Variants in GLRA3 observed in about 807,000 individuals in gnomAD.
The protein encoded by GLRA3 is glycine receptor alpha 3.
In GLRA3, 44 loss-of-function variants were observed where a neutral mutation model predicts 60.4. That is an observed-to-expected ratio of 0.73 (90% confidence interval 0.57 to 0.94). The LOEUF (loss-of-function observed/expected upper bound fraction) is 0.94, where lower values mean the gene tolerates loss of function less well. Ranked by LOEUF, GLRA3 falls within the 40% of genes least tolerant of loss-of-function variation. The pLI is 0.00. For synonymous variants in GLRA3, 223 were observed against 192.9 expected, an observed-to-expected ratio of 1.16 and a Z score of -1.29; for missense variants, 508 against 564.6, an observed-to-expected ratio of 0.90 and a Z score of 1.02.
In GLRA3 at chr4:174,643,867, T is replaced by C. The variant is rs1227617052; in HGVS notation, c.1314A>G (p.Leu438=). ...AGAAAATATTAAAAATCAAAAAAGC[T>C]AATGGGAAGCAGGCTCGGGAGATGG... ...IDTISRACFP[L]AFLIFNIFYW... Residue 438 remains leucine, a synonymous_variant, in exon 10 of 10, where the codon TTA becomes TTG. Coordinates refer to ENST00000274093, the MANE Select transcript of GLRA3 (RefSeq NM_006529.4). 4 of 1,614,058 alleles carry C rather than the reference T, an allele frequency of 2.5e-6. No individual in the cohort carries two copies. The highest frequency in any genetic ancestry group is 3.4e-6 in the Non-Finnish European group (4 of 1,179,938).
At chr4:174,647,986 C>T (rs2110851934) in intron 9 of GLRA3, among the ~76,000 whole-genome samples, 1 of 152,238 alleles carries the variant, frequency 6.6e-6, no homozygotes, top group Admixed American at 6.5e-5. Flanking sequence ...TCCATGCTTT[C>T]CTACATCTTT....
chr4:174,659,074 G>T lies in GLRA3; in HGVS notation c.1051C>A (p.Arg351=). The change falls in exon 8 of 10, where the codon CGA becomes AGA. Residue 351 remains arginine, a synonymous_variant. Coordinates refer to ENST00000274093, the MANE Select transcript of GLRA3 (RefSeq NM_006529.4). ...SRQHKELLRF[R]RKRKNKTEAF... is the part of the protein sequence containing the mutation. ...CTTACCTTATTCTTTCTCTTTCGTC[G>T]AAATCTCAGAAGTTCTTTGTGTTGT... The T allele has an allele frequency of 6.2e-7, 1 of 1,612,520 alleles. No homozygotes were observed. The highest frequency in any genetic ancestry group is 1.1e-5 in the South Asian group (1 of 90,980).
At chr4:174,670,182 A>T (rs7697737) in intron 7 of GLRA3, among the ~76,000 whole-genome samples, 1 of 151,970 alleles carries the variant, frequency 6.6e-6, no homozygotes, top group African/African-American at 2.4e-5. Context: ...GCATTTCTTA[A>T]TATATTACCT....
intron 5 of GLRA3, among the ~76,000 whole-genome samples, chr4:174,696,066 T>G (rs1164758206): frequency 6.6e-6 from 1 of 151,898 alleles, no homozygotes; most frequent in Non-Finnish European, 1.5e-5. Context: ...CAATGACAAT[T>G]ACAAAACACT....
intron 5 of GLRA3, among the ~76,000 whole-genome samples, chr4:174,700,285 C>G (rs1225376863): frequency 6.6e-6 from 1 of 152,020 alleles, no homozygotes; most frequent in Admixed American, 6.6e-5. Flanking sequence ...TTGTGGCAAC[C>G]CTATATTAAG....
chr4:174,821,682 T>C (rs1407135606), intron 1 of GLRA3, among the ~76,000 whole-genome samples: 1 of 152,120 alleles, frequency 6.6e-6, no homozygotes, highest in Non-Finnish European at 1.5e-5. Context: ...TTGAGAAATA[T>C]ACATTACATT....
chr4:174,683,629 G>A (rs1031274464), intron 5 of GLRA3, among the ~76,000 whole-genome samples: 4 of 152,150 alleles, frequency 2.6e-5, no homozygotes, highest in Non-Finnish European at 5.9e-5. Flanking sequence ...GATTACAGGC[G>A]TCAGCCACCG....
intron 5 of GLRA3, among the ~76,000 whole-genome samples, chr4:174,691,111 T>A (rs1206971659): frequency 6.6e-6 from 1 of 152,206 alleles, no homozygotes; most frequent in Non-Finnish European, 1.5e-5. Flanking sequence ...TCCACAATGG[T>A]TGAACTTATT....
At chr4:174,692,337 G>A (rs1296601846) in intron 5 of GLRA3, among the ~76,000 whole-genome samples, 3 of 147,228 alleles carry the variant, frequency 2.0e-5, no homozygotes, top group South Asian at 2.3e-4. Flanking sequence ...CCCCCCGCTC[G>A]GCCAGCCGCC....
intron 5 of GLRA3, among the ~76,000 whole-genome samples, chr4:174,701,411 T>C (rs111486602): frequency 3.3e-5 from 5 of 152,328 alleles, no homozygotes; most frequent in African/African-American, 1.2e-4. Context: ...CTGATGCCAA[T>C]TAACCCAGTC....
intron 7 of GLRA3, among the ~76,000 whole-genome samples, chr4:174,676,296 G>A (rs1307585215): frequency 6.6e-6 from 1 of 151,888 alleles, no homozygotes; most frequent in Non-Finnish European, 1.5e-5. Flanking sequence ...ATTGACTTAT[G>A]GTTACTTAAA....
chr4:174,814,593 G>C lies in GLRA3; in HGVS notation c.71+14148C>G, dbSNP rs138173915. Reference sequence around the variant, plus strand: ...AAGAAAGAGTTTTAATAGGCTTACAGTTGCATGTGGCTGAGGAGTCCTCAC... The same window carrying C: ...AAGAAAGAGTTTTAATAGGCTTACACTTGCATGTGGCTGAGGAGTCCTCAC... On this transcript the variant is annotated intron_variant, in intron 1 of 9. Transcript: ENST00000274093. Among the ~76,000 whole-genome samples the C allele has an allele frequency of 6.5e-3, 989 of 152,296 alleles. 12 individuals carry two copies. The highest frequency in any genetic ancestry group is 0.023 in the African/African-American group (959 of 41,572).
chr4:174,711,908 G>C (rs903115991), intron 5 of GLRA3, among the ~76,000 whole-genome samples: 2 of 152,010 alleles, frequency 1.3e-5, no homozygotes. Context: ...AAAGTGTCTA[G>C]TTGTCAACAT....
At chr4:174,812,130 C>T (rs1579646608) in intron 1 of GLRA3, among the ~76,000 whole-genome samples, 2 of 151,866 alleles carry the variant, frequency 1.3e-5, no homozygotes, top group Non-Finnish European at 2.9e-5. Context: ...CAGAAATTAC[C>T]ATTTTACTTG....
At chr4:174,751,144 CCTAT>C (rs570491158) in intron 3 of GLRA3, among the ~76,000 whole-genome samples, 120 of 152,066 alleles carry the variant, frequency 7.9e-4, no homozygotes, top group Middle Eastern at 3.4e-3. Flanking sequence ...CTGCTACCTA[CCTAT>C]CTATCTACAT....
chr4:174,750,936 G>A (rs1050611411), intron 3 of GLRA3, among the ~76,000 whole-genome samples: 1 of 152,030 alleles, frequency 6.6e-6, no homozygotes, highest in Non-Finnish European at 1.5e-5. Flanking sequence ...CTTAGGGGAA[G>A]TTTTCAGACA....
rs367671135 is a variant in GLRA3, at chr4:174,648,938, G to C, written c.1117-4874C>G. On this transcript the variant is annotated intron_variant, in intron 9 of 9. Transcript: ENST00000274093. ...AGGACGGAAATCTGTTCCAATTTTGGCAGCGGACTCCACTAAGGAACCCTG... is the reference window on the plus strand; with the variant it reads ...AGGACGGAAATCTGTTCCAATTTTGCCAGCGGACTCCACTAAGGAACCCTG... 4.6e-5 allele frequency among the ~76,000 whole-genome samples: 7 copies of C among 152,202 alleles called. No homozygotes were observed. In the East Asian group the frequency reaches 1.2e-3, roughly 25 times the overall value.
chr4:174,719,026 A>C (rs182520855), intron 4 of GLRA3, among the ~76,000 whole-genome samples: 3 of 133,364 alleles, frequency 2.2e-5, no homozygotes, highest in Non-Finnish European at 4.6e-5. Flanking sequence ...GCAGTGGCGC[A>C]ATCTCGGCTC....
At chr4:174,710,319 T>A (rs949442046) in intron 5 of GLRA3, among the ~76,000 whole-genome samples, 1 of 152,120 alleles carries the variant, frequency 6.6e-6, no homozygotes, top group Non-Finnish European at 1.5e-5. Flanking sequence ...AGTAAATTTT[T>A]AGTTGAACAA....
Sources: gnomAD v4.1 joint callset for allele counts (sites outside exome capture counted in the v4.1 genomes callset) on GRCh38, gnomAD v4.1.1 for gene constraint, MANE v1.5 for transcripts, NCBI Gene and HGNC (gene_info 2026-07-23, HGNC 2026-07-21) for gene names.